COL4A5: variants seen among roughly 807,000 people sequenced by gnomAD.
COL4A5 encodes collagen type IV alpha 5 chain.
In COL4A5, 26 loss-of-function variants were observed where a neutral mutation model predicts 130.2. That is an observed-to-expected ratio of 0.20 (90% CI 0.15 to 0.28). The LOEUF is 0.28. Among genes scored for constraint, COL4A5 ranks in the 10% least tolerant of loss-of-function variants. The probability of loss-of-function intolerance (pLI) is 1.00; values close to 1 mark genes in which losing one functional copy is unlikely to be tolerated. For synonymous variants in COL4A5, 496 were observed against 439.6 expected (o/e 1.13, Z -1.60); for missense variants, 1,131 against 1,344.3 (o/e 0.84, Z 2.48).
chrX:108,450,905 T>G (rs1238928561), intron 1 of COL4A5, among the ~76,000 whole-genome samples: 1 of 109,775 alleles, frequency 9.1e-6, no homozygotes, highest in Non-Finnish European at 1.9e-5. Flanking sequence ...AATGTGCAGG[T>G]TAGTTACATA....
intron 36 of COL4A5, among the ~76,000 whole-genome samples, chrX:108,652,536 GAATGC>G (rs1569503738): frequency 8.9e-6 from 1 of 112,247 alleles, no homozygotes; most frequent in East Asian, 2.8e-4. Context: ...TTTTACAGTG[GAATGC>G]AAGAACAAAA....
chrX:108,575,910 G>A lies in COL4A5; in HGVS notation c.547G>A (p.Gly183Ser), dbSNP rs1556404985. The A allele has an allele frequency of 8.6e-7, 1 of 1,167,114 alleles. No individual in the cohort carries two copies. The highest frequency in any genetic ancestry group is 1.2e-6 in the Non-Finnish European group (1 of 858,178). The part of the protein sequence containing the change: ...PGYPGPPGIQ[G>S]LPGPTGIPGP... ...ATTTTCTTTACTCACTTTATAACAGGGCCTACCTGGTCCCACTGGTATACC... is the reference window on the plus strand; with the variant it reads ...ATTTTCTTTACTCACTTTATAACAGAGCCTACCTGGTCCCACTGGTATACC... Residue 183 changes from glycine to serine, a missense_variant and splice_region_variant, in exon 10 of 53, where the codon GGC becomes AGC. Coordinates refer to ENST00000328300, the MANE Select transcript of COL4A5 (RefSeq NM_033380.3).
In COL4A5 at chrX:108,617,939, G is replaced by A. The variant is rs1363775308; in HGVS notation, c.2510-2320G>A. Reference sequence around the variant, plus strand: ...ATTCATGTCATTTTCATAGATGAAGGAGAAAATAGTTTTCTAACACTTCAG... The same window carrying A: ...ATTCATGTCATTTTCATAGATGAAGAAGAAAATAGTTTTCTAACACTTCAG... On this transcript the variant is annotated intron_variant, in intron 30 of 52. Transcript: ENST00000328300. Among the ~76,000 whole-genome samples, 10 of 112,172 alleles carry A rather than the reference G, an allele frequency of 8.9e-5. No individual in the cohort carries two copies. In the East Asian group the frequency reaches 2.5e-3, roughly 28 times the overall value.
chrX:108,452,010 A>G (rs1412813106), intron 1 of COL4A5, among the ~76,000 whole-genome samples: 1 of 112,018 alleles, frequency 8.9e-6, no homozygotes, highest in Non-Finnish European at 1.9e-5. Context: ...TATAAGGTGT[A>G]AGGAAGGGAT....
intron 36 of COL4A5, among the ~76,000 whole-genome samples, chrX:108,635,918 G>A (rs1253519960): frequency 8.9e-6 from 1 of 112,157 alleles, no homozygotes; most frequent in Non-Finnish European, 1.9e-5. Flanking sequence ...AAGTTTGGAG[G>A]TAAGTATTGG....
chrX:108,694,762 A>G (rs1055679372), intron 50 of COL4A5, 45 bp from the exon 51 acceptor site: 2 of 1,026,444 alleles, frequency 1.9e-6, no homozygotes, highest in Non-Finnish European at 1.4e-6. Context: ...TACTTCTCAC[A>G]TGCTCACTCT....
intron 36 of COL4A5, among the ~76,000 whole-genome samples, chrX:108,650,359 GTGTGGAGA>G (rs2067699621): frequency 9.0e-6 from 1 of 111,623 alleles, no homozygotes; most frequent in Admixed American, 9.5e-5. Context: ...CTCGAAAAGA[GTGTGGAGA>G]TTCCTTAAAG....
At chrX:108,658,362 TA>T (rs2067886942) in intron 37 of COL4A5, among the ~76,000 whole-genome samples, 2 of 111,253 alleles carry the variant, frequency 1.8e-5, no homozygotes, top group South Asian at 7.4e-4. Context: ...TGCTGTTTTT[TA>T]AAAAATTATA....
chrX:108,618,838 C>A (rs779790498), intron 30 of COL4A5, among the ~76,000 whole-genome samples: 1 of 109,584 alleles, frequency 9.1e-6, no homozygotes, highest in African/African-American at 3.3e-5. Flanking sequence ...GTAGTTCTTC[C>A]TCAAAAGCCA....
intron 2 of COL4A5, among the ~76,000 whole-genome samples, chrX:108,554,466 C>T (rs1166044350): frequency 9.0e-6 from 1 of 111,452 alleles, no homozygotes; most frequent in Non-Finnish European, 1.9e-5. Context: ...CATCTCACAC[C>T]AGGTTCCTCC....
chrX:108,501,006 A>G (rs769418020), intron 1 of COL4A5, among the ~76,000 whole-genome samples: 2 of 111,166 alleles, frequency 1.8e-5, no homozygotes, highest in African/African-American at 6.5e-5. Context: ...TATTAGGTAT[A>G]GGGTGAAAAA....
intron 1 of COL4A5, among the ~76,000 whole-genome samples, chrX:108,480,031 G>A (rs1336015342): frequency 8.9e-6 from 1 of 111,791 alleles, no homozygotes; most frequent in African/African-American, 3.3e-5. Flanking sequence ...AATTGGATCT[G>A]CTGGATCATA....
chrX:108,501,674 T>A (rs936279278), intron 1 of COL4A5, among the ~76,000 whole-genome samples: 1 of 112,435 alleles, frequency 8.9e-6, no homozygotes, highest in African/African-American at 3.2e-5. Context: ...TGAAGCAGCA[T>A]GATAAAGTTA....
intron 36 of COL4A5, among the ~76,000 whole-genome samples, chrX:108,632,519 C>CAG (rs2067280699): frequency 9.0e-6 from 1 of 110,792 alleles, no homozygotes; most frequent in African/African-American, 3.3e-5. Flanking sequence ...CTGGCAGAGA[C>CAG]ACAACAAAAA....
chrX:108,662,830 ACTTT>A (rs1397331898), intron 37 of COL4A5, among the ~76,000 whole-genome samples: 2 of 112,180 alleles, frequency 1.8e-5, no homozygotes, highest in African/African-American at 6.5e-5. Context: ...GCTACCACTG[ACTTT>A]CTTCGCAGAA....
Position 108,697,399 on chromosome X carries a change from C to CA in COL4A5, c.*1023dup, listed in dbSNP as rs1216257041. On this transcript the variant is annotated 3_prime_UTR_variant, in exon 53 of 53. Transcript: ENST00000328300. ...TAGTCTCTTTTAAGTTACAAAAAGC[C>CA]AATTGATGTTTCTTATTCTTTTTAA... is the stretch of plus-strand genomic sequence containing the variant. The CA allele has an allele frequency of 9.0e-6, 1 of 110,753 alleles. No homozygotes were observed. The highest frequency in any genetic ancestry group is 1.9e-5 in the Non-Finnish European group (1 of 52,997). 9.1% of individuals were successfully genotyped at this position (110,753 alleles called of 1,213,427 possible). A position where few individuals can be genotyped will look rare whatever the true frequency, so the allele number is the denominator to read the frequency against.
At chrX:108,533,233 A>G (rs1485251903) in intron 1 of COL4A5, among the ~76,000 whole-genome samples, 1 of 111,796 alleles carries the variant, frequency 8.9e-6, no homozygotes, top group Non-Finnish European at 1.9e-5. Flanking sequence ...CCACATCTTC[A>G]TAGCCAATTG....
At chrX:108,441,737 C>T (rs1266442601) in intron 1 of COL4A5, among the ~76,000 whole-genome samples, 1 of 111,571 alleles carries the variant, frequency 9.0e-6, no homozygotes, top group Non-Finnish European at 1.9e-5. Context: ...TCTTGGTGCC[C>T]TCTGTTTCTG....
chrX:108,642,445 G>A (rs1192888828), intron 36 of COL4A5, among the ~76,000 whole-genome samples: 1 of 111,184 alleles, frequency 9.0e-6, no homozygotes, highest in Non-Finnish European at 1.9e-5. Context: ...CCAAAATAGA[G>A]CATTAAACCA....
Sources: gnomAD v4.1 joint callset for allele counts (sites outside exome capture counted in the v4.1 genomes callset) on GRCh38, gnomAD v4.1.1 for gene constraint, MANE v1.5 for transcripts, NCBI Gene and HGNC (gene_info 2026-07-23, HGNC 2026-07-21) for gene names.